The following GRK4 variants were observed in gnomAD, a reference collection of about 807,000 sequenced individuals.
GRK4 encodes the protein G protein-coupled receptor kinase 2-like.
GRK4 carries 73 observed loss-of-function variants against 77.9 expected under a neutral mutation model. The ratio of observed to expected loss-of-function variants is 0.94; its 90% CI spans 0.78 to 1.14. The LOEUF is 1.14. GRK4 is among the 50% of genes most tolerant of loss of function. The probability of loss-of-function intolerance (pLI) is 0.00; values close to 1 mark genes in which losing one functional copy is unlikely to be tolerated. For synonymous variants in GRK4, 257 were observed against 254.4 expected, an observed-to-expected ratio of 1.01 and a Z score of -0.10; for missense variants, 729 against 700.2, an observed-to-expected ratio of 1.04 and a Z score of -0.46.
intron 14 of GRK4, among the ~76,000 whole-genome samples, chr4:3,038,066 G>T (rs549953124): frequency 2.3e-4 from 35 of 152,340 alleles, no homozygotes; most frequent in Non-Finnish European, 4.6e-4. Flanking sequence ...GCTATTTTGG[G>T]TCTGATGGGA....
Position 3,004,262 on chromosome 4 carries a change from ATGT to A in GRK4, c.375_377del (p.Val126del). ...GCCCCTTTACCAGAAATACCTCCAG[ATGT>A]TGTGACAGAATGTAGATTGGGACTG... On this transcript the variant is annotated inframe_deletion, in exon 5 of 16. Coordinates refer to ENST00000398052, the MANE Select transcript of GRK4 (RefSeq NM_182982.3). 1.2e-6 allele frequency: 2 copies of A among 1,613,866 alleles called. No individual in the cohort carries two copies. Among genetic ancestry groups the A allele is most frequent in the Non-Finnish European group, 1.7e-6 (2 of 1,179,748 alleles).
intron 1 of GRK4, among the ~76,000 whole-genome samples, chr4:2,976,636 T>C (rs988522238): frequency 2.7e-5 from 4 of 148,646 alleles, no homozygotes; most frequent in South Asian, 2.1e-4. Context: ...TCTTTCTTTT[T>C]TTTTTTTTTT....
intron 15 of GRK4, chr4:3,038,860 T>C (rs2798303): frequency 0.58 from 125,032 of 213,950 alleles, 37,199 homozygotes; most frequent in South Asian, 0.74. Context: ...CATCTCTCCC[T>C]GCTCTGGCTC....
rs142573975 is a variant in GRK4 at position 3,002,088 on chromosome 4, A to G, written c.340-2143A>G. On this transcript the variant is annotated intron_variant, in intron 4 of 15. Transcript: ENST00000398052. Reference sequence around the variant, plus strand: ...TCTTTGGAGGGCAGTTTCACAATAAATATGAAGTTTAAAATGCTTGCATCT... The same window carrying G: ...TCTTTGGAGGGCAGTTTCACAATAAGTATGAAGTTTAAAATGCTTGCATCT... Among the ~76,000 whole-genome samples, 561 of 152,246 alleles carry G rather than the reference A, an allele frequency of 3.7e-3. 6 individuals carry two copies. In the Middle Eastern group the frequency reaches 0.041, roughly 11 times the overall value.
chr4:3,007,096 G>A lies in GRK4; in HGVS notation c.444-640G>A, dbSNP rs1578205425. Among the ~76,000 whole-genome samples the A allele has an allele frequency of 1.3e-5, 2 of 152,076 alleles. 1 individual carries two copies. Among genetic ancestry groups the A allele is most frequent in the East Asian group, 3.9e-4 (2 of 5,186 alleles). On this transcript the variant is annotated intron_variant, in intron 5 of 15. Coordinates refer to ENST00000398052, the MANE Select transcript of GRK4 (RefSeq NM_182982.3). ...TTACACCTGTAGTCCCAGTGCTTTG[G>A]GAGGCTGAGATGGGAGGATTGCTTG...
chr4:3,040,241 G>C (rs891542498), intron 15 of GRK4, among the ~76,000 whole-genome samples: 1 of 152,124 alleles, frequency 6.6e-6, no homozygotes, highest in Non-Finnish European at 1.5e-5. Context: ...AGGAGTTCGA[G>C]AGCAACCTGG....
rs565866334 is a variant in GRK4 at position 2,977,692 on chromosome 4, C to G, written c.53-6821C>G. The stretch of plus-strand genomic sequence containing the variant: ...TCATCAGCACATGGCTCCCAAGATC[C>G]TCCTGTGGATCTCGGTCCATCTACG... On this transcript the variant is annotated intron_variant, in intron 1 of 15. Coordinates refer to ENST00000398052, the MANE Select transcript of GRK4 (RefSeq NM_182982.3). Among the ~76,000 whole-genome samples, 11 of 152,296 alleles carry G rather than the reference C, an allele frequency of 7.2e-5. No homozygotes were observed. The East Asian group carries it at 9.6e-4, about 13-fold the overall frequency.
chr4:3,016,222 T>A lies in GRK4; in HGVS notation c.741+2394T>A, dbSNP rs533987382. ...CCAAGCCTGGCCTCTACAAAAAAAATTTTTTTTAAAAGGCCAGGCACTGTG... is the reference window on the plus strand; with the variant it reads ...CCAAGCCTGGCCTCTACAAAAAAAAATTTTTTTAAAAGGCCAGGCACTGTG... On this transcript the variant is annotated intron_variant, in intron 8 of 15. Coordinates refer to ENST00000398052, the MANE Select transcript of GRK4 (RefSeq NM_182982.3). Among the ~76,000 whole-genome samples the A allele has an allele frequency of 2.0e-3, 300 of 148,364 alleles. 2 individuals carry two copies. Among genetic ancestry groups the A allele is most frequent in the South Asian group, 0.01 (46 of 4,574 alleles).
intron 4 of GRK4, among the ~76,000 whole-genome samples, chr4:3,003,568 A>T (rs993494470): frequency 3.9e-5 from 6 of 152,104 alleles, no homozygotes. Flanking sequence ...TCCTTTTTTT[A>T]AAAGGCTGAA....
rs191484004 is a variant in GRK4 at position 2,965,535 on chromosome 4, G to A, written c.52+1413G>A. 3.9e-3 allele frequency: 2,702 copies of A among 690,904 alleles called. 10 individuals carry two copies. The highest frequency in any genetic ancestry group is 5.1e-3 in the Non-Finnish European group (1,927 of 377,334). The allele number at this position is 690,904 out of a possible 1,614,324, so 42.8% of individuals were successfully genotyped here. A position where few individuals can be genotyped will look rare whatever the true frequency, so the allele number is the denominator to read the frequency against. On this transcript the variant is annotated intron_variant, in intron 1 of 15. Coordinates refer to ENST00000398052, the MANE Select transcript of GRK4 (RefSeq NM_182982.3). The stretch of plus-strand genomic sequence containing the variant: ...GCCGACTGAAGATGCCACAGCAGCC[G>A]GCGATGCATATTTAAAGGACAGTCT...
Position 3,040,626 on chromosome 4 carries a change from G to A in GRK4, c.*1G>A, listed in dbSNP as rs368696347. 2 of 1,609,954 alleles carry A rather than the reference G, an allele frequency of 1.2e-6. No individual in the cohort carries two copies. The highest frequency in any genetic ancestry group is 1.3e-5 in the African/African-American group (1 of 74,910). On this transcript the variant is annotated 3_prime_UTR_variant, in exon 16 of 16. Transcript: ENST00000398052. ...GGAAGTGGAACCCAAGCAATGCTGA[G>A]CACCCCGGTGCGGACCACAGAGCAG...
intron 6 of GRK4, among the ~76,000 whole-genome samples, chr4:3,008,195 A>C (rs1194978983): frequency 6.6e-6 from 1 of 152,212 alleles, no homozygotes. Context: ...TTCTAATTTA[A>C]TAGACTCTGT....
intron 1 of GRK4, chr4:2,966,501 G>C (rs1717758820): frequency 6.6e-6 from 1 of 152,144 alleles, no homozygotes; most frequent in Non-Finnish European, 1.5e-5. Flanking sequence ...TGTCCCCATT[G>C]AGTGAGAGTA....
chr4:3,008,546 G>A (rs965183513), intron 6 of GRK4, among the ~76,000 whole-genome samples: 1 of 152,178 alleles, frequency 6.6e-6, no homozygotes, highest in Non-Finnish European at 1.5e-5. Flanking sequence ...GCTCATGCCG[G>A]TAATCCAGCA....
At chr4:2,979,489 G>A (rs1471163897) in intron 1 of GRK4, among the ~76,000 whole-genome samples, 2 of 151,966 alleles carry the variant, frequency 1.3e-5, no homozygotes, top group African/African-American at 2.4e-5. Context: ...CGAGGCGGGC[G>A]GATCACCTGA....
At chr4:2,989,106 A>G (rs1427578599) in intron 3 of GRK4, among the ~76,000 whole-genome samples, 3 of 151,762 alleles carry the variant, frequency 2.0e-5, no homozygotes, top group Non-Finnish European at 4.4e-5. Context: ...CACTTGAACC[A>G]GGAGGCGGAG....
chr4:2,987,120 T>A (rs572301337), intron 2 of GRK4: 10 of 518,670 alleles, frequency 1.9e-5, no homozygotes, highest in South Asian at 1.4e-4. Context: ...GACTCCTTCC[T>A]GCCCGCTACC....
At chr4:3,037,182 G>A (rs1045923573) in intron 13 of GRK4, among the ~76,000 whole-genome samples, 192 bp from the exon 14 acceptor site, 12 of 151,942 alleles carry the variant, frequency 7.9e-5, no homozygotes, top group African/African-American at 2.2e-4. Context: ...AAAAGCTGGC[G>A]AACCACCTCT....
At chr4:3,018,828 G>A (rs1455844794) in intron 8 of GRK4, among the ~76,000 whole-genome samples, 2 of 152,002 alleles carry the variant, frequency 1.3e-5, no homozygotes, top group African/African-American at 2.4e-5. Context: ...GCAGTGAGCC[G>A]AGATGGTGCC....
Sources: gnomAD v4.1 joint callset for allele counts (sites outside exome capture counted in the v4.1 genomes callset) on GRCh38, gnomAD v4.1.1 for gene constraint, MANE v1.5 for transcripts, NCBI Gene and HGNC (gene_info 2026-07-23, HGNC 2026-07-21) for gene names.